KDM4C: variants seen among roughly 807,000 people sequenced by gnomAD.
The protein encoded by KDM4C is lysine demethylase 4C.
Under a neutral mutation model 129.3 loss-of-function variants are expected in KDM4C, and 81 were observed. The ratio of observed to expected loss-of-function variants is 0.63; its 90% CI spans 0.52 to 0.75. KDM4C has a LOEUF of 0.75. Among genes scored for constraint, KDM4C ranks in the 30% least tolerant of loss-of-function variants. The pLI is 0.00. For missense variants in KDM4C, 1,457 were observed against 1,304.0 expected (o/e 1.12, Z -1.81); for synonymous variants, 573 against 456.1 (o/e 1.26, Z -3.26).
intron 4 of KDM4C, among the ~76,000 whole-genome samples, chr9:6,815,785 A>C (rs1294962212): frequency 6.6e-6 from 1 of 152,212 alleles, no homozygotes; most frequent in African/African-American, 2.4e-5. Context: ...AAAATCTGAC[A>C]TCTGAAATAC....
intron 17 of KDM4C, among the ~76,000 whole-genome samples, chr9:7,052,898 A>AGCGAGC (rs1554718543): frequency 4.2e-5 from 2 of 47,532 alleles, no homozygotes; most frequent in African/African-American, 9.2e-5. Flanking sequence ...AGAGAGAGAG[A>AGCGAGC]GAGCGAGCGA....
At chr9:6,799,465 T>C (rs1053014026) in intron 2 of KDM4C, among the ~76,000 whole-genome samples, 3 of 152,052 alleles carry the variant, frequency 2.0e-5, no homozygotes, top group African/African-American at 7.2e-5. Flanking sequence ...CTCTGCAGGC[T>C]GAGGCAGGAG....
rs151159098 is a variant in KDM4C, at chr9:7,073,181, A to G, written c.2424+23981A>G. Among the ~76,000 whole-genome samples the G allele has an allele frequency of 3.1e-3, 479 of 152,252 alleles. 3 individuals are homozygous for G. The highest frequency in any genetic ancestry group is 8.1e-3 in the African/African-American group (336 of 41,532). The stretch of plus-strand genomic sequence containing the variant: ...CTTAGAATGCTTTTGGCATAGATCT[A>G]CCTCCATTTAGAATGTTCCGATCTA... On this transcript the variant is annotated intron_variant, in intron 17 of 21. Transcript: ENST00000381309.
intron 4 of KDM4C, among the ~76,000 whole-genome samples, chr9:6,828,270 C>A (rs371582074): frequency 6.6e-6 from 1 of 152,040 alleles, no homozygotes; most frequent in Non-Finnish European, 1.5e-5. Context: ...GTCTCAGCCT[C>A]CCGAATAGCT....
Position 7,133,061 on chromosome 9 carries a change from C to A in KDM4C, c.2781+4825C>A, listed in dbSNP as rs188562007. Among the ~76,000 whole-genome samples, 500 of 152,284 alleles carry A rather than the reference C, an allele frequency of 3.3e-3. 4 individuals are homozygous for A. Among genetic ancestry groups the A allele is most frequent in the African/African-American group, 0.011 (471 of 41,560 alleles). The stretch of plus-strand genomic sequence containing the variant: ...TGTGCAATGCAAACTGAGGTTCTTG[C>A]AGCCAATGTTTTTTTCTCACATAAA... On this transcript the variant is annotated intron_variant, in intron 19 of 21. Transcript: ENST00000381309.
In KDM4C at chr9:6,986,951, G is replaced by T. The variant is rs528062314; in HGVS notation, c.1677+285G>T. On this transcript the variant is annotated intron_variant, in intron 11 of 21. Transcript: ENST00000381309. Reference sequence around the variant, plus strand: ...TTTACTTTGAGGTAATTGTAGACTCGTATGCAGTTGTGGGAAATAGTGCAC... The same window carrying T: ...TTTACTTTGAGGTAATTGTAGACTCTTATGCAGTTGTGGGAAATAGTGCAC... The T allele has an allele frequency of 2.6e-5, 8 of 308,458 alleles. No homozygotes were observed. In the Middle Eastern group the frequency reaches 2.7e-3, roughly 106 times the overall value. The allele number at this position is 308,458 out of a possible 1,614,324, so 19.1% of individuals were successfully genotyped here. A position where few individuals can be genotyped will look rare whatever the true frequency, so the allele number is the denominator to read the frequency against.
intron 1 of KDM4C, among the ~76,000 whole-genome samples, chr9:6,721,458 A>AT (rs773885111): frequency 2.0e-5 from 3 of 150,522 alleles, no homozygotes; most frequent in African/African-American, 7.3e-5. Flanking sequence ...TAATTTTTGT[A>AT]TTTTTAGTAG....
chr9:6,784,685 G>C (rs111274943), intron 1 of KDM4C, among the ~76,000 whole-genome samples: 1 of 152,196 alleles, frequency 6.6e-6, no homozygotes, highest in South Asian at 2.1e-4. Flanking sequence ...AGTGGTGATC[G>C]GAATGGGATG....
upstream of KDM4C, among the ~76,000 whole-genome samples, chr9:6,756,429 G>A (rs1818285072): frequency 6.6e-6 from 1 of 152,172 alleles, no homozygotes; most frequent in Admixed American, 6.5e-5. Context: ...GTTCAGAATT[G>A]TGTGTGGCCG....
chr9:6,802,708 A>G (rs553544748), intron 2 of KDM4C, among the ~76,000 whole-genome samples: 26 of 152,268 alleles, frequency 1.7e-4, no homozygotes, highest in African/African-American at 6.0e-4. Flanking sequence ...GCTCACTGCA[A>G]CAATTCACCT....
chr9:6,758,689 T>C lies in KDM4C; in HGVS notation c.-18+486T>C, dbSNP rs1433765384. On this transcript the variant is annotated intron_variant, in intron 1 of 21. Transcript: ENST00000381309. This position sits in a 1 kb window ranked among gnomAD's most constrained non-coding sequence, Gnocchi z 4.6. ...CCGTTGCAGGCAGTCATCCCGTCAT[T>C]CGGGGTCGTCTTCAGCCCTCGCGGC... 6.6e-6 allele frequency among the ~76,000 whole-genome samples: 1 copy of C among 152,218 alleles called. No individual in the cohort carries two copies.
intron 8 of KDM4C, among the ~76,000 whole-genome samples, chr9:6,932,916 C>T (rs1403152784): frequency 2.0e-5 from 3 of 152,210 alleles, no homozygotes; most frequent in African/African-American, 7.2e-5. Context: ...CTCTGCACTA[C>T]TGCACTTTGT....
chr9:6,722,402 G>A (rs893065786), intron 1 of KDM4C, among the ~76,000 whole-genome samples: 1 of 152,172 alleles, frequency 6.6e-6, no homozygotes, highest in Admixed American at 6.5e-5. Flanking sequence ...TGGAGGCTGG[G>A]CTTGGTGGCT....
chr9:7,158,667 A>T (rs1004029150), intron 19 of KDM4C, among the ~76,000 whole-genome samples: 1 of 152,170 alleles, frequency 6.6e-6, no homozygotes, highest in Admixed American at 6.5e-5. Flanking sequence ...GAGTTTCTTT[A>T]TCCTGAGTTC....
intron 1 of KDM4C, among the ~76,000 whole-genome samples, chr9:6,743,110 C>G (rs62566532): frequency 0.14 from 20,618 of 152,120 alleles, 1,544 homozygotes; most frequent in Non-Finnish European, 0.16. Context: ...GAAAAAAATG[C>G]TGCTGACAAA....
intron 17 of KDM4C, among the ~76,000 whole-genome samples, chr9:7,103,301 C>G (rs1303196937): frequency 6.6e-6 from 1 of 152,196 alleles, no homozygotes; most frequent in Non-Finnish European, 1.5e-5. Flanking sequence ...CTTCTTGATG[C>G]ACAGAAAGAC....
intron 1 of KDM4C, among the ~76,000 whole-genome samples, chr9:6,785,349 T>G (rs963049951): frequency 1.3e-5 from 2 of 151,836 alleles, no homozygotes; most frequent in Admixed American, 1.3e-4. Context: ...CTCTTTTTTT[T>G]TTTTTGAGAT....
At chr9:6,819,868 A>G (rs117733074) in intron 4 of KDM4C, among the ~76,000 whole-genome samples, 323 of 152,318 alleles carry the variant, frequency 2.1e-3, no homozygotes, top group Non-Finnish European at 4.0e-3. Flanking sequence ...TTCAGTATTT[A>G]AATTGTACCA....
chr9:6,779,011 C>G (rs1363111061), intron 1 of KDM4C, among the ~76,000 whole-genome samples: 1 of 136,006 alleles, frequency 7.4e-6, no homozygotes, highest in Non-Finnish European at 1.6e-5. Flanking sequence ...CCTGAGCTAC[C>G]TCACCAGGCC....
Sources: allele counts gnomAD v4.1 joint callset (sites outside exome capture counted in the v4.1 genomes callset), GRCh38; gene constraint gnomAD v4.1.1; non-coding constraint Gnocchi (gnomAD v3.1); transcripts MANE v1.5; gene names NCBI Gene and HGNC (gene_info 2026-07-23, HGNC 2026-07-21).